SLC25A48: variants seen among roughly 807,000 people sequenced by gnomAD.
SLC25A48 encodes solute carrier family 25 member 48, also known as CTC-321K16.1.
A neutral mutation model predicts 32.2 loss-of-function variants in SLC25A48; 29 were observed. That is an observed-to-expected ratio of 0.90 (90% CI 0.67 to 1.23). The LOEUF is 1.23. Among genes scored for constraint, SLC25A48 ranks in the 50% most tolerant of loss-of-function variants. SLC25A48 has a pLI of 0.00. For synonymous variants in SLC25A48, 164 were observed against 172.3 expected (o/e 0.95, Z 0.38); for missense variants, 399 against 422.7 (o/e 0.94, Z 0.49).
intron 3 of SLC25A48, among the ~76,000 whole-genome samples, chr5:135,696,928 A>G (rs1323171222): frequency 6.6e-6 from 1 of 152,204 alleles, no homozygotes; most frequent in Non-Finnish European, 1.5e-5. Context: ...GACAATTAAA[A>G]TTTCATCTCC....
At chr5:135,770,767 G>A (rs1162973702) in intron 3 of SLC25A48, among the ~76,000 whole-genome samples, 3 of 151,764 alleles carry the variant, frequency 2.0e-5, no homozygotes, top group African/African-American at 7.3e-5. Context: ...TCCATAATGT[G>A]AGAGGTTGAT....
intron 3 of SLC25A48, among the ~76,000 whole-genome samples, chr5:135,808,606 G>GTA (rs1215325282): frequency 1.3e-5 from 2 of 152,038 alleles, no homozygotes; most frequent in African/African-American, 2.4e-5. Context: ...ATCCTGAGGG[G>GTA]TAAGTGTTGT....
At chr5:135,661,684 G>T (rs1753400404) in intron 3 of SLC25A48, among the ~76,000 whole-genome samples, 1 of 152,058 alleles carries the variant, frequency 6.6e-6, no homozygotes, top group Non-Finnish European at 1.5e-5. Context: ...CTCTCTAGGG[G>T]TGCATATTAT....
chr5:135,643,736 G>A (rs1435091587), intron 3 of SLC25A48, among the ~76,000 whole-genome samples: 2 of 152,182 alleles, frequency 1.3e-5, no homozygotes, highest in African/African-American at 2.4e-5. Context: ...AGGTTAGTGA[G>A]CAGCGACCCC....
chr5:135,805,586 C>T (rs979169695), intron 3 of SLC25A48, among the ~76,000 whole-genome samples: 18 of 151,390 alleles, frequency 1.2e-4, no homozygotes, highest in African/African-American at 3.4e-4. Context: ...CTTTTAATAT[C>T]GCAGTATGTG....
At chr5:135,689,779 A>G (rs145007739) in intron 3 of SLC25A48, among the ~76,000 whole-genome samples, 101 of 152,382 alleles carry the variant, frequency 6.6e-4, no homozygotes, top group African/African-American at 2.3e-3. Flanking sequence ...TACAAGAGCA[A>G]CCCAGCTATG....
intron 3 of SLC25A48, among the ~76,000 whole-genome samples, chr5:135,688,435 T>C (rs2126955996): frequency 6.6e-6 from 1 of 152,358 alleles, no homozygotes; most frequent in South Asian, 2.1e-4. Context: ...GTGCTCCTTG[T>C]GTTTCACTGC....
chr5:135,880,814 C>T (rs10077832), intron 7 of SLC25A48, among the ~76,000 whole-genome samples: 13,869 of 152,204 alleles, frequency 0.091, 1,716 homozygotes, highest in African/African-American at 0.28. Context: ...ATCCTCTTCT[C>T]GCTCCTTTCC....
intron 3 of SLC25A48, among the ~76,000 whole-genome samples, chr5:135,712,875 A>G (rs1754700343): frequency 6.6e-6 from 1 of 152,178 alleles, no homozygotes; most frequent in Non-Finnish European, 1.5e-5. Flanking sequence ...CTCACTCTGC[A>G]AAGCAACTAT....
At chr5:135,762,858 ACTG>A (rs1756096953) in intron 3 of SLC25A48, among the ~76,000 whole-genome samples, 1 of 151,908 alleles carries the variant, frequency 6.6e-6, no homozygotes, top group African/African-American at 2.4e-5. Flanking sequence ...CAGTGGGAGA[ACTG>A]CAGTGTGTGA....
chr5:135,636,858 G>A (rs924480644), intron 3 of SLC25A48, among the ~76,000 whole-genome samples: 3 of 152,160 alleles, frequency 2.0e-5, no homozygotes, highest in African/African-American at 7.2e-5. Flanking sequence ...GCCAAACCAA[G>A]CCACGTTCTG....
chr5:135,845,632 C>T lies in SLC25A48; in HGVS notation c.90+3173C>T, dbSNP rs1219641734. On this transcript the variant is annotated intron_variant, in intron 2 of 7. Coordinates refer to ENST00000681962, the MANE Select transcript of SLC25A48 (RefSeq NM_001349336.2). ...ACTTAACCTTCCTGAGCCTTGAATT[C>T]CTTGTCTGTAAAGTGGGCAAGTAGC... 2.0e-5 allele frequency among the ~76,000 whole-genome samples: 3 copies of T among 152,240 alleles called. No individual in the cohort carries two copies. In the East Asian group the frequency reaches 5.8e-4, roughly 29 times the overall value.
chr5:135,606,844 G>A (rs553731360), intron 1 of SLC25A48, among the ~76,000 whole-genome samples: 5 of 152,330 alleles, frequency 3.3e-5, no homozygotes, highest in South Asian at 4.1e-4. Flanking sequence ...TGCTTTGAAC[G>A]TGTATTTGAT....
At chr5:135,724,039 A>G (rs11948103) in intron 3 of SLC25A48, among the ~76,000 whole-genome samples, 43,771 of 152,102 alleles carry the variant, frequency 0.29, 6,487 homozygotes, top group East Asian at 0.48. Context: ...TCAAGCCCAG[A>G]TCCCTTGCAC....
intron 3 of SLC25A48, among the ~76,000 whole-genome samples, chr5:135,771,100 G>A (rs1389645515): frequency 6.6e-6 from 1 of 151,586 alleles, no homozygotes; most frequent in Non-Finnish European, 1.5e-5. Flanking sequence ...TATCGTGGGG[G>A]TGTACACCCC....
intron 3 of SLC25A48, among the ~76,000 whole-genome samples, chr5:135,753,409 C>T: frequency 6.6e-6 from 1 of 151,934 alleles, no homozygotes. Context: ...AGAGCGCAAA[C>T]CCATGGTGTT....
intron 7 of SLC25A48, among the ~76,000 whole-genome samples, chr5:135,885,018 AC>A (rs1302249116): frequency 6.6e-6 from 1 of 151,882 alleles, no homozygotes; most frequent in African/African-American, 2.4e-5. Context: ...GGACTTTACC[AC>A]CAATCCCATT....
chr5:135,685,850 G>A (rs1754011101), intron 3 of SLC25A48, among the ~76,000 whole-genome samples: 1 of 152,254 alleles, frequency 6.6e-6, no homozygotes, highest in Non-Finnish European at 1.5e-5. Context: ...TCTGCCTTCA[G>A]TGGTGTGTCC....
At chr5:135,886,627 ATATAT>A (rs1762730918) in intron 7 of SLC25A48, among the ~76,000 whole-genome samples, 2 of 27,102 alleles carry the variant, frequency 7.4e-5, no homozygotes, top group Admixed American at 3.5e-4. Flanking sequence ...ATATATATAT[ATATAT>A]ATATAAAATA....
Sources: gnomAD v4.1 joint callset for allele counts (sites outside exome capture counted in the v4.1 genomes callset) on GRCh38, gnomAD v4.1.1 for gene constraint, MANE v1.5 for transcripts, NCBI Gene and HGNC (gene_info 2026-07-23, HGNC 2026-07-21) for gene names.